DCC: variants seen among roughly 807,000 people sequenced by gnomAD.
DCC encodes DCC netrin 1 receptor.
A neutral mutation model predicts 172.5 loss-of-function variants in DCC; 58 were observed. The observed-to-expected ratio is 0.34, with a 90% CI of 0.27 to 0.42. DCC has a LOEUF of 0.42. DCC is among the 10% of genes least tolerant of loss of function. DCC has a pLI of 1.00. For missense variants in DCC, 1,740 were observed against 1,791.0 expected, an observed-to-expected ratio of 0.97 and a Z score of 0.51; for synonymous variants, 709 against 644.5, an observed-to-expected ratio of 1.10 and a Z score of -1.52.
At chr18:53,308,586 G>T (rs1242389974) in intron 13 of DCC, among the ~76,000 whole-genome samples, 21 of 152,186 alleles carry the variant, frequency 1.4e-4, no homozygotes, top group Admixed American at 1.4e-3. Context: ...ATGGCCAGTA[G>T]AATTTGCTAG....
chr18:53,203,225 G>A (rs2055571157), intron 9 of DCC, among the ~76,000 whole-genome samples: 1 of 151,532 alleles, frequency 6.6e-6, no homozygotes, highest in Non-Finnish European at 1.5e-5. Flanking sequence ...GTGTGTGTGT[G>A]TGTGTGTGTG....
intron 2 of DCC, among the ~76,000 whole-genome samples, chr18:52,832,670 A>G (rs565123933): frequency 3.3e-5 from 5 of 152,258 alleles, no homozygotes; most frequent in East Asian, 1.9e-4. Context: ...TTATTCCACT[A>G]TTATTGTTCT....
intron 1 of DCC, among the ~76,000 whole-genome samples, chr18:52,689,866 G>A (rs920126587): frequency 4.6e-5 from 7 of 152,052 alleles, no homozygotes; most frequent in Non-Finnish European, 1.0e-4. Flanking sequence ...CTTTCTCTTA[G>A]CTGCAGACTC....
intron 2 of DCC, among the ~76,000 whole-genome samples, chr18:52,810,561 C>T (rs901898919): frequency 6.6e-6 from 1 of 152,058 alleles, no homozygotes. Flanking sequence ...GGATGTTCCC[C>T]CTACCCAAAG....
Position 53,066,057 on chromosome 18 carries a change from C to G in DCC, c.1152C>G (p.Asn384Lys). 6.2e-7 allele frequency: 1 copy of G among 1,613,144 alleles called. No homozygotes were observed. Among genetic ancestry groups the G allele is most frequent in the Non-Finnish European group, 8.5e-7 (1 of 1,179,456 alleles). ...TTTCTTTTCCCTAGGGAGGAAGCAA[C>G]TTACGGATACTTGGGGTGGTGAAGT... Reference protein sequence around the residue: ...SDYFQIVGGSNLRILGVVKSD... With the variant: ...SDYFQIVGGSKLRILGVVKSD... The change falls in exon 7 of 29, where the codon AAC becomes AAG. Residue 384 changes from asparagine to lysine, a missense_variant. Transcript: ENST00000442544.
At chr18:52,834,758 C>A (rs1356195634) in intron 2 of DCC, among the ~76,000 whole-genome samples, 1 of 151,726 alleles carries the variant, frequency 6.6e-6, no homozygotes, top group Non-Finnish European at 1.5e-5. Flanking sequence ...TTTTTTAATT[C>A]TCTGTGGTCT....
At chr18:53,333,931 A>G (rs2057561952) in intron 14 of DCC, among the ~76,000 whole-genome samples, 1 of 152,176 alleles carries the variant, frequency 6.6e-6, no homozygotes, top group Admixed American at 6.6e-5. Flanking sequence ...ACTAATAGGC[A>G]TCTCACATTG....
At chr18:53,292,280 C>A (rs2057014419) in intron 12 of DCC, among the ~76,000 whole-genome samples, 2 of 152,076 alleles carry the variant, frequency 1.3e-5, no homozygotes, top group Admixed American at 1.3e-4. Context: ...ATAATAGAAA[C>A]CATATATGGT....
chr18:53,144,477 G>A (rs2043876430), intron 7 of DCC, among the ~76,000 whole-genome samples: 1 of 152,130 alleles, frequency 6.6e-6, no homozygotes, highest in African/African-American at 2.4e-5. Flanking sequence ...GCAAGAGAGA[G>A]CTTGTGCAAA....
At position 53,379,879 on chromosome 18, in the gene DCC, C is replaced by T. The variant is rs549814271; in HGVS notation, c.2360-6164C>T. 2.8e-4 allele frequency among the ~76,000 whole-genome samples: 42 copies of T among 152,188 alleles called. No homozygotes were observed. The South Asian group carries it at 8.5e-3, about 31-fold the overall frequency. On this transcript the variant is annotated intron_variant, in intron 15 of 28. Coordinates refer to ENST00000442544, the MANE Select transcript of DCC (RefSeq NM_005215.4). ...AATATTCTTGATTTAAAAGAATTCC[C>T]GTGGACTTCCAAATTATTATTTGGA...
chr18:52,846,903 G>A (rs949018922), intron 2 of DCC, among the ~76,000 whole-genome samples: 1 of 152,048 alleles, frequency 6.6e-6, no homozygotes, highest in African/African-American at 2.4e-5. Context: ...CATGGAGCTG[G>A]GGCTGTCAGT....
At chr18:52,716,240 G>A (rs7229327) in intron 1 of DCC, among the ~76,000 whole-genome samples, 140,686 of 152,296 alleles carry the variant, frequency 0.92, 65,443 homozygotes, top group East Asian at 1. Flanking sequence ...TTCTTTGCGT[G>A]TGGAACAAGT....
chr18:53,377,389 G>GAGAGAGAGAGAGAGAGAGAGAGAGA (rs56300801), intron 15 of DCC, among the ~76,000 whole-genome samples: 2 of 148,032 alleles, frequency 1.4e-5, no homozygotes, highest in African/African-American at 5.0e-5. Context: ...GAGAGAGAGA[G>GAGAGAGAGAGAGAGAGAGAGAGAGA]GAAGAAGGCC....
At chr18:52,867,308 G>A (rs188681789) in intron 2 of DCC, among the ~76,000 whole-genome samples, 58 of 152,218 alleles carry the variant, frequency 3.8e-4, no homozygotes, top group African/African-American at 1.1e-3. Context: ...TTTTCATACC[G>A]ATGTTCATCA....
chr18:53,089,901 G>T (rs1344038812), intron 7 of DCC, among the ~76,000 whole-genome samples: 2 of 152,084 alleles, frequency 1.3e-5, no homozygotes, highest in Non-Finnish European at 2.9e-5. Flanking sequence ...CAATAGAATT[G>T]TTATTTTTCA....
At chr18:52,731,153 C>T (rs565968326) in intron 1 of DCC, among the ~76,000 whole-genome samples, 7 of 152,084 alleles carry the variant, frequency 4.6e-5, no homozygotes, top group African/African-American at 7.2e-5. Context: ...CTTCCTGATG[C>T]GAGTTATTGA....
In DCC at chr18:53,523,726, GGGA is replaced by G. The variant is rs544121826; in HGVS notation, c.4112-2886_4112-2884del. Among the ~76,000 whole-genome samples the G allele has an allele frequency of 6.6e-3, 997 of 152,182 alleles. 16 individuals are homozygous for G. Among genetic ancestry groups the G allele is most frequent in the African/African-American group, 0.023 (940 of 41,540 alleles). On this transcript the variant is annotated intron_variant, in intron 27 of 28. Coordinates refer to ENST00000442544, the MANE Select transcript of DCC (RefSeq NM_005215.4). ...TGAACAATGAGAACACATGGACACA[GGGA>G]GGAGAACATCACACACTGGGCCTGT... is the stretch of plus-strand genomic sequence containing the variant.
intron 21 of DCC, among the ~76,000 whole-genome samples, chr18:53,418,780 A>C (rs1220274435): frequency 2.0e-5 from 3 of 152,182 alleles, no homozygotes; most frequent in Admixed American, 1.3e-4. Context: ...TAGTCATTTG[A>C]AATGGTTTTG....
intron 1 of DCC, among the ~76,000 whole-genome samples, chr18:52,520,410 C>T (rs1025815923): frequency 7.9e-5 from 12 of 152,202 alleles, no homozygotes; most frequent in Admixed American, 3.9e-4. Context: ...ATCCTCTCAA[C>T]AGAGGCTTCT....
Sources: gnomAD v4.1 joint callset for allele counts (sites outside exome capture counted in the v4.1 genomes callset) on GRCh38, gnomAD v4.1.1 for gene constraint, MANE v1.5 for transcripts, NCBI Gene and HGNC (gene_info 2026-07-23, HGNC 2026-07-21) for gene names.